FGD6: variants seen among roughly 807,000 people sequenced by gnomAD.
The protein encoded by FGD6 is FYVE, RhoGEF and PH domain-containing protein 6.
FGD6 carries 90 observed loss-of-function variants against 149.4 expected under a neutral mutation model. The ratio of observed to expected loss-of-function variants is 0.60; its 90% confidence interval spans 0.51 to 0.72. The LOEUF (loss-of-function observed/expected upper bound fraction) is 0.72, where lower values mean the gene tolerates loss of function less well. Ranked by LOEUF, FGD6 falls within the 30% of genes least tolerant of loss-of-function variation. FGD6 has a pLI of 0.00. For missense variants in FGD6, 1,437 were observed against 1,684.8 expected (o/e 0.85, Z 2.57); for synonymous variants, 527 against 584.0 (o/e 0.90, Z 1.41).
At position 95,210,341 on chromosome 12, in the gene FGD6, G is replaced by T; in HGVS notation, c.943C>A (p.Pro315Thr). 2 of 1,613,940 alleles carry T rather than the reference G, an allele frequency of 1.2e-6. No homozygotes were observed. Among genetic ancestry groups the T allele is most frequent in the Non-Finnish European group, 1.7e-6 (2 of 1,179,994 alleles). The change falls in exon 2 of 21, where the codon CCC becomes ACC. Residue 315 changes from proline to threonine, a missense_variant. Transcript: ENST00000343958. ...GCAGTTCGTGTCTTTCTGGGCTTGG[G>T]AGTTGGAAATTTTGGGGTATATGGT... ...LVPYTPKFPT[P>T]KPRKTRTARL...
At chr12:95,134,511 A>C (rs1050266624) in intron 8 of FGD6, among the ~76,000 whole-genome samples, 9 of 152,144 alleles carry the variant, frequency 5.9e-5, no homozygotes, top group African/African-American at 2.2e-4. Context: ...ACATGTATGA[A>C]TGCCCTGAGG....
chr12:95,089,646 AAGG>A lies in FGD6; in HGVS notation c.3898_3900del (p.Pro1300del), dbSNP rs1877986493. On this transcript the variant is annotated inframe_deletion, in exon 18 of 21. Transcript: ENST00000343958. Reference sequence around the variant, plus strand: ...TGTAAGACTGATGATAAGGCACTTGAAGGAGATTTGTGATTTCCAGGAGATCCA... The same window carrying A: ...TGTAAGACTGATGATAAGGCACTTGAAGATTTGTGATTTCCAGGAGATCCA... 6.2e-7 allele frequency: 1 copy of A among 1,613,876 alleles called. No individual in the cohort carries two copies. The highest frequency in any genetic ancestry group is 1.7e-5 in the Admixed American group (1 of 59,996).
At chr12:95,084,344 C>G (rs1490389272) in intron 20 of FGD6, among the ~76,000 whole-genome samples, 154 bp downstream of exon 20, 1 of 152,304 alleles carries the variant, frequency 6.6e-6, no homozygotes, top group East Asian at 1.9e-4. Flanking sequence ...TAAAACAATT[C>G]TGAAGAGTTT....
intron 3 of FGD6, among the ~76,000 whole-genome samples, chr12:95,156,006 T>TA (rs1165845800): frequency 6.6e-6 from 1 of 152,192 alleles, no homozygotes; most frequent in Non-Finnish European, 1.5e-5. Flanking sequence ...TGATTTCCTA[T>TA]GCCTGTCTTT....
At chr12:95,211,705 A>G (rs2136305191) in intron 1 of FGD6, among the ~76,000 whole-genome samples, 1 of 152,062 alleles carries the variant, frequency 6.6e-6, no homozygotes, top group South Asian at 2.1e-4. Flanking sequence ...ACATCCGGCT[A>G]AGTTTTGTAT....
rs1184680585 is a variant in FGD6, at chr12:95,141,385, T to C, written c.2837+3A>G. Reference sequence around the variant, plus strand: ...GGAAAATCTGAAAACGGTCCATTTTTACCAGTGCAACATTCTTTCCTCCAG... The same window carrying C: ...GGAAAATCTGAAAACGGTCCATTTTCACCAGTGCAACATTCTTTCCTCCAG... On this transcript the variant is annotated splice_donor_region_variant and intron_variant, in intron 6 of 20. Coordinates refer to ENST00000343958, the MANE Select transcript of FGD6 (RefSeq NM_018351.4). The C allele has an allele frequency of 7.4e-6, 12 of 1,613,480 alleles. No homozygotes were observed. The highest frequency in any genetic ancestry group is 2.7e-5 in the African/African-American group (2 of 75,040).
chr12:95,084,439 G>C, intron 20 of FGD6, 59 bp downstream of exon 20: 3 of 1,402,804 alleles, frequency 2.1e-6, no homozygotes, highest in Non-Finnish European at 2.8e-6. Flanking sequence ...CATTTTACAA[G>C]CAACCATTAA....
At chr12:95,208,298 A>T (rs1027262124) in intron 2 of FGD6, among the ~76,000 whole-genome samples, 1 of 152,140 alleles carries the variant, frequency 6.6e-6, no homozygotes, top group Non-Finnish European at 1.5e-5. Flanking sequence ...AGTGAGAAAT[A>T]AAGAGTAGTT....
At chr12:95,173,316 C>G (rs548421455) in intron 2 of FGD6, among the ~76,000 whole-genome samples, 2 of 152,312 alleles carry the variant, frequency 1.3e-5, no homozygotes, top group South Asian at 4.1e-4. Flanking sequence ...AGATTATGCT[C>G]AAGACCTGCT....
intron 8 of FGD6, among the ~76,000 whole-genome samples, chr12:95,131,511 T>C (rs1879519046): frequency 6.6e-6 from 1 of 152,030 alleles, no homozygotes; most frequent in Non-Finnish European, 1.5e-5. Flanking sequence ...AAATTATAGA[T>C]ATAAGACACA....
At position 95,210,368 on chromosome 12, in the gene FGD6, C is replaced by G; in HGVS notation, c.916G>C (p.Val306Leu). The G allele has an allele frequency of 6.2e-7, 1 of 1,613,646 alleles. No homozygotes were observed. The highest frequency in any genetic ancestry group is 8.5e-7 in the Non-Finnish European group (1 of 1,179,924). ...GTTGGAAATTTTGGGGTATATGGTA[C>G]TAAATGAATTTCTAAGGGACCAAGG... ...KDLGPLEIHLVPYTPKFPTPK... is the reference protein window; with the variant it reads ...KDLGPLEIHLLPYTPKFPTPK... Residue 306 changes from valine (V) to leucine (L), a missense_variant, in exon 2 of 21, where the codon GTA becomes CTA. By Grantham distance (32) the Val-to-Leu change is conservative. Around this residue, in one of 2 missense-constraint regions of FGD6, gnomAD observed 1,055 missense variants for 1,146.0 expected, o/e 0.92. Transcript: ENST00000343958.
In FGD6 at chr12:95,217,380, G is replaced by T; in HGVS notation, c.-140C>A. On this transcript the variant is annotated 5_prime_UTR_variant, in exon 1 of 21. Transcript: ENST00000343958. Reference sequence around the variant, plus strand: ...GTCCCGCCGCCCCGCGGCGCAGCCTGAGCGCCACACAAAGGACGCGGCCGA... The same window carrying T: ...GTCCCGCCGCCCCGCGGCGCAGCCTTAGCGCCACACAAAGGACGCGGCCGA... 2.3e-6 allele frequency: 3 copies of T among 1,307,490 alleles called. No homozygotes were observed. The South Asian group carries it at 5.0e-5, about 22-fold the overall frequency. The allele number at this position is 1,307,490 out of a possible 1,614,324, so 81.0% of individuals were successfully genotyped here. A position where few individuals can be genotyped will look rare whatever the true frequency, so the allele number is the denominator to read the frequency against.
At chr12:95,091,985 T>C (rs1003855529) in intron 16 of FGD6, among the ~76,000 whole-genome samples, 176 bp from the exon 17 acceptor site, 2 of 152,162 alleles carry the variant, frequency 1.3e-5, no homozygotes, top group African/African-American at 2.4e-5. Context: ...AACTAATGCA[T>C]AGTACCACAC....
intron 16 of FGD6, 127 bp downstream of exon 16, chr12:95,092,567 TTAACA>T: frequency 2.1e-6 from 2 of 974,370 alleles, no homozygotes; most frequent in Non-Finnish European, 2.8e-6. Flanking sequence ...TTTGCTACCA[TTAACA>T]TAATAATAAT....
At chr12:95,204,710 G>GCACA (rs60459798) in intron 2 of FGD6, among the ~76,000 whole-genome samples, 51,427 of 151,052 alleles carry the variant, frequency 0.34, 8,756 homozygotes, top group South Asian at 0.38. Context: ...GCATGCACGC[G>GCACA]CACACACACA....
chr12:95,156,513 T>A (rs1305445686), intron 3 of FGD6, among the ~76,000 whole-genome samples: 1 of 152,214 alleles, frequency 6.6e-6, no homozygotes, highest in Non-Finnish European at 1.5e-5. Context: ...CCTGATAAGA[T>A]GTTATCAATG....
At position 95,210,962 on chromosome 12, in the gene FGD6, G is replaced by A. The variant is rs2056723258; in HGVS notation, c.322C>T (p.Pro108Ser). 6.2e-7 allele frequency: 1 copy of A among 1,614,220 alleles called. No individual in the cohort carries two copies. Among genetic ancestry groups the A allele is most frequent in the East Asian group, 2.2e-5 (1 of 44,886 alleles). The change falls in exon 2 of 21, where the codon CCA (proline) becomes TCA (serine). Residue 108 changes from proline to serine, a missense_variant. Physicochemically the swap from Pro to Ser is moderately conservative, Grantham distance 74. Around this residue, in one of 2 missense-constraint regions of FGD6, gnomAD observed 1,055 missense variants for 1,146.0 expected, o/e 0.92. Coordinates refer to ENST00000343958, the MANE Select transcript of FGD6 (RefSeq NM_018351.4). ...CACTCAGAACTGCAGGAACACATTG[G>A]TGAAATATAATCATTGCTCTGATTG... ...EGNQSNDYISPMCSCSSECIH... is the reference protein window; with the variant it reads ...EGNQSNDYISSMCSCSSECIH...
At chr12:95,126,606 C>T (rs1879350801) in intron 8 of FGD6, among the ~76,000 whole-genome samples, 1 of 151,758 alleles carries the variant, frequency 6.6e-6, no homozygotes, top group Non-Finnish European at 1.5e-5. Flanking sequence ...TGGTGCATGC[C>T]TGTAATCCCA....
chr12:95,092,620 AG>A, intron 16 of FGD6, 78 bp downstream of exon 16: 1 of 1,404,970 alleles, frequency 7.1e-7, no homozygotes, highest in Non-Finnish European at 9.7e-7. Flanking sequence ...ATGGTTTATG[AG>A]GGGAAATATG....
Sources: allele counts gnomAD v4.1 joint callset (sites outside exome capture counted in the v4.1 genomes callset), GRCh38; gene constraint gnomAD v4.1.1; regional missense constraint gnomAD v4.1.1; transcripts MANE v1.5; gene names NCBI Gene and HGNC (gene_info 2026-07-23, HGNC 2026-07-21).